Variants in ZRANB3 observed in about 807,000 individuals in gnomAD.
ZRANB3 encodes the protein DNA annealing helicase and endonuclease ZRANB3.
Under a neutral mutation model 133.8 loss-of-function variants are expected in ZRANB3, and 125 were observed. The ratio of observed to expected loss-of-function variants is 0.93; its 90% CI spans 0.81 to 1.08. The LOEUF (loss-of-function observed/expected upper bound fraction) is 1.08. Ranked by LOEUF, ZRANB3 falls within the 50% of genes least tolerant of loss-of-function variation. The probability of loss-of-function intolerance (pLI) is 0.00; values close to 1 mark genes in which losing one functional copy is unlikely to be tolerated. For synonymous variants in ZRANB3, 387 were observed against 432.7 expected (o/e 0.89, Z 1.31); for missense variants, 1,229 against 1,275.5 (o/e 0.96, Z 0.56).
At chr2:135,324,742 T>C (rs1052928017) in intron 6 of ZRANB3, among the ~76,000 whole-genome samples, 1 of 152,292 alleles carries the variant, frequency 6.6e-6, no homozygotes, top group Admixed American at 6.5e-5. Flanking sequence ...CTCCAGCACC[T>C]GTTGTTTCCT....
intron 2 of ZRANB3, among the ~76,000 whole-genome samples, chr2:135,421,432 T>C (rs188508276): frequency 6.6e-6 from 1 of 152,338 alleles, no homozygotes; most frequent in East Asian, 1.9e-4. Flanking sequence ...TTTTACAAAG[T>C]AGACTTCATT....
chr2:135,512,004 G>C, intron 1 of ZRANB3: 1 of 657,004 alleles, frequency 1.5e-6, no homozygotes, highest in South Asian at 1.7e-5. Context: ...GTGCGGCTGA[G>C]CTGGAGAGGA....
chr2:135,267,431 C>A (rs890931442), intron 11 of ZRANB3, among the ~76,000 whole-genome samples: 3 of 152,040 alleles, frequency 2.0e-5, no homozygotes, highest in African/African-American at 7.2e-5. Flanking sequence ...AGGGCAGAAC[C>A]CTCATGACCC....
intron 2 of ZRANB3, among the ~76,000 whole-genome samples, chr2:135,417,191 A>C (rs1465474325): frequency 6.6e-6 from 1 of 152,232 alleles, no homozygotes; most frequent in Non-Finnish European, 1.5e-5. Context: ...GAATGGGAGG[A>C]AATTTTTGCA....
intron 2 of ZRANB3, among the ~76,000 whole-genome samples, chr2:135,412,957 T>C (rs1454788690): frequency 6.6e-6 from 1 of 152,212 alleles, no homozygotes; most frequent in African/African-American, 2.4e-5. Flanking sequence ...TCTGGATCTA[T>C]TATGTACCTT....
intron 6 of ZRANB3, among the ~76,000 whole-genome samples, chr2:135,338,117 T>A (rs1370316228): frequency 1.3e-5 from 2 of 152,198 alleles, no homozygotes; most frequent in Non-Finnish European, 2.9e-5. Context: ...TTTGACAACA[T>A]CTGTGAATTT....
At chr2:135,315,693 A>G (rs916628018) in intron 6 of ZRANB3, among the ~76,000 whole-genome samples, 163 bp from the exon 7 acceptor site, 1 of 152,246 alleles carries the variant, frequency 6.6e-6, no homozygotes, top group Non-Finnish European at 1.5e-5. Flanking sequence ...GAAAAACAGT[A>G]ATGAATAAGA....
At chr2:135,391,579 T>G (rs1247837345) in intron 2 of ZRANB3, among the ~76,000 whole-genome samples, 3 of 149,380 alleles carry the variant, frequency 2.0e-5, no homozygotes, top group African/African-American at 7.3e-5. Flanking sequence ...TTTTTATTTC[T>G]TTCTTTTTTT....
At chr2:135,232,764 A>T (rs1695093513) in intron 12 of ZRANB3, among the ~76,000 whole-genome samples, 1 of 152,230 alleles carries the variant, frequency 6.6e-6, no homozygotes, top group Non-Finnish European at 1.5e-5. Flanking sequence ...TAACAAACAG[A>T]AAGGACATCC....
chr2:135,402,810 T>G (rs1380530971), intron 2 of ZRANB3, among the ~76,000 whole-genome samples: 1 of 152,144 alleles, frequency 6.6e-6, no homozygotes, highest in Non-Finnish European at 1.5e-5. Flanking sequence ...GGTCTGGAAC[T>G]CCTGACCTCA....
chr2:135,355,939 C>A (rs1685410909), intron 3 of ZRANB3, among the ~76,000 whole-genome samples: 1 of 152,172 alleles, frequency 6.6e-6, no homozygotes, highest in Non-Finnish European at 1.5e-5. Flanking sequence ...GATTCTATCA[C>A]TAGAACCTCA....
chr2:135,324,446 G>A (rs2104838131), intron 6 of ZRANB3, among the ~76,000 whole-genome samples: 1 of 152,236 alleles, frequency 6.6e-6, no homozygotes, highest in East Asian at 1.9e-4. Flanking sequence ...ATTCCATGGT[G>A]TACATGTGCC....
At chr2:135,239,070 T>G (rs1471742439) in intron 12 of ZRANB3, among the ~76,000 whole-genome samples, 1 of 152,218 alleles carries the variant, frequency 6.6e-6, no homozygotes, top group Non-Finnish European at 1.5e-5. Context: ...TGGAGCAATT[T>G]GTTATGCAGT....
At chr2:135,299,338 G>C (rs1302824200) in intron 8 of ZRANB3, among the ~76,000 whole-genome samples, 1 of 152,178 alleles carries the variant, frequency 6.6e-6, no homozygotes, top group Non-Finnish European at 1.5e-5. Context: ...AGCAAGGCCA[G>C]TCTCACTCCC....
chr2:135,207,401 C>T (rs1411507769), intron 19 of ZRANB3, 33 bp downstream of exon 19: 2 of 1,562,928 alleles, frequency 1.3e-6, no homozygotes, highest in African/African-American at 1.4e-5. Flanking sequence ...CAGTACAATG[C>T]TGCCTTCTAT....
chr2:135,271,369 C>T (rs202000744), intron 10 of ZRANB3: 558 of 472,500 alleles, frequency 1.2e-3, no homozygotes, highest in Admixed American at 3.2e-3. Flanking sequence ...GAGTTCTTTT[C>T]CCCCAGGCCA....
intron 2 of ZRANB3, among the ~76,000 whole-genome samples, chr2:135,471,742 T>C (rs2104780980): frequency 6.6e-6 from 1 of 152,336 alleles, no homozygotes. Context: ...ACATTCCATT[T>C]CTGAAGGGTA....
At chr2:135,246,286 AAAG>A (rs1418394026) in intron 12 of ZRANB3, among the ~76,000 whole-genome samples, 1 of 151,994 alleles carries the variant, frequency 6.6e-6, no homozygotes, top group Non-Finnish European at 1.5e-5. Flanking sequence ...CTGGTTTATA[AAAG>A]AAGAAGGTGA....
chr2:135,506,151 G>T (rs1693176446), intron 1 of ZRANB3, among the ~76,000 whole-genome samples: 1 of 152,156 alleles, frequency 6.6e-6, no homozygotes, highest in African/African-American at 2.4e-5. Flanking sequence ...AGCACTTTGG[G>T]AGGCCAAAGT....
Sources: allele counts gnomAD v4.1 joint callset (sites outside exome capture counted in the v4.1 genomes callset), GRCh38; gene constraint gnomAD v4.1.1; transcripts MANE v1.5; gene names NCBI Gene and HGNC (gene_info 2026-07-23, HGNC 2026-07-21).